TEX46: variants seen among roughly 807,000 people sequenced by gnomAD.
TEX46 encodes testis-expressed protein 46.
TEX46 carries 6 observed loss-of-function variants against 5.3 expected under a neutral mutation model. The ratio of observed to expected loss-of-function variants is 1.13; its 90% CI spans 0.62 to 2.23. TEX46 has a LOEUF of 2.23. Among genes scored for constraint, TEX46 ranks in the 30% most tolerant of loss-of-function variants. TEX46 has a pLI of 0.00. For synonymous variants in TEX46, 41 were observed against 54.6 expected (o/e 0.75, Z 1.10); for missense variants, 131 against 150.9 (o/e 0.87, Z 0.69).
intron 1 of TEX46, among the ~76,000 whole-genome samples, chr1:23,015,436 CAAAAAAAAAAAAAAA>C (rs61258225): frequency 7.9e-4 from 22 of 27,766 alleles, no homozygotes; most frequent in African/African-American, 2.6e-3. Context: ...GACTCCTTCT[CAAAAAAAAAAAAAAA>C]AAAAAAAAAA....
In TEX46 at chr1:23,011,050, C is replaced by G. The variant is rs1641346402; in HGVS notation, c.217G>C (p.Glu73Gln). 6.5e-7 allele frequency: 1 copy of G among 1,536,020 alleles called. No individual in the cohort carries two copies. The highest frequency in any genetic ancestry group is 8.7e-7 in the Non-Finnish European group (1 of 1,146,836). Reference protein sequence around the residue: ...LFSEMKMKVLENQMFIIWNKM... With the variant: ...LFSEMKMKVLQNQMFIIWNKM... Reference sequence around the variant, plus strand: ...TTCCATATGATGAACATCTGATTTTCTAGGACCTTCATCTTCATTTCACTG... The same window carrying G: ...TTCCATATGATGAACATCTGATTTTGTAGGACCTTCATCTTCATTTCACTG... The change falls in exon 3 of 3, where the codon GAA becomes CAA. Residue 73 changes from glutamate (E) to glutamine (Q), a missense_variant. Glu to Gln is a conservative substitution (Grantham distance 29). Transcript: ENST00000566855.
At position 23,011,081 on chromosome 1, in the gene TEX46, C is replaced by T; in HGVS notation, c.186G>A (p.Leu62=). The change falls in exon 3 of 3, where the codon CTG becomes CTA. Residue 62 remains leucine, a synonymous_variant. Transcript: ENST00000566855. ...CCTTCATCTTCATTTCACTGAACAA[C>T]AGCCGTTGGAGGATCTCGTCCTGGA... ...EPQQDEILQR[L]LFSEMKMKVL... 6.5e-7 allele frequency: 1 copy of T among 1,536,008 alleles called. No homozygotes were observed. The highest frequency in any genetic ancestry group is 1.2e-5 in the South Asian group (1 of 84,058).
intron 2 of TEX46, among the ~76,000 whole-genome samples, 156 bp downstream of exon 2, chr1:23,013,727 C>A (rs1169551568): frequency 6.6e-6 from 1 of 152,016 alleles, no homozygotes; most frequent in African/African-American, 2.4e-5. Flanking sequence ...TACCCAGCAC[C>A]ACCTAAGAGG....
Position 23,011,170 on chromosome 1 carries a change from C to A in TEX46, c.166-69G>T. 3.9e-6 allele frequency: 5 copies of A among 1,280,492 alleles called. No individual in the cohort carries two copies. In the South Asian group the frequency reaches 6.5e-5, roughly 17 times the overall value. 79.3% of individuals were successfully genotyped at this position (1,280,492 alleles called of 1,614,324 possible). A position where few individuals can be genotyped will look rare whatever the true frequency, so the allele number is the denominator to read the frequency against. ...TTCACGGCCTTGCTGTTCTTGGAGT[C>A]GTTTTCAGAAGTCTTTGGTTTCTCT... On this transcript the variant is annotated intron_variant, in intron 2 of 2. Coordinates refer to ENST00000566855, the MANE Select transcript of TEX46 (RefSeq NM_001242521.2).
Position 23,015,436 on chromosome 1 carries a change from C to CA in TEX46, c.2+335dup, listed in dbSNP as rs61258225. On this transcript the variant is annotated intron_variant, in intron 1 of 2. Transcript: ENST00000566855. Reference sequence around the variant, plus strand: ...GGGCGACAACAGTAAGACTCCTTCTCAAAAAAAAAAAAAAAAAAAAAAAAA... The same window carrying CA: ...GGGCGACAACAGTAAGACTCCTTCTCAAAAAAAAAAAAAAAAAAAAAAAAAA... 5.8e-3 allele frequency among the ~76,000 whole-genome samples: 161 copies of CA among 27,776 alleles called. 38 individuals carry two copies. The highest frequency in any genetic ancestry group is 0.016 in the South Asian group (5 of 322). 18.2% of individuals were successfully genotyped at this position (27,776 alleles called of 152,430 possible).
At chr1:23,014,199 A>T in intron 1 of TEX46, 154 bp from the exon 2 acceptor site, 1 of 1,299,880 alleles carries the variant, frequency 7.7e-7, no homozygotes, top group Non-Finnish European at 1.0e-6. Flanking sequence ...GCATAACAAT[A>T]ATAATAACTC....
chr1:23,015,577 G>C (rs1641409072), intron 1 of TEX46, among the ~76,000 whole-genome samples, 195 bp downstream of exon 1: 1 of 149,278 alleles, frequency 6.7e-6, no homozygotes, highest in African/African-American at 2.5e-5. Context: ...ATTCACAATA[G>C]CCAAAATGTG....
chr1:23,015,682 T>A, intron 1 of TEX46, 90 bp downstream of exon 1: 1 of 659,838 alleles, frequency 1.5e-6, no homozygotes, highest in South Asian at 1.7e-5. Context: ...AATTCTAACA[T>A]GTTACAACAT....
chr1:23,014,575 A>G (rs960108019), intron 1 of TEX46, among the ~76,000 whole-genome samples: 3 of 151,942 alleles, frequency 2.0e-5, no homozygotes, highest in African/African-American at 7.2e-5. Context: ...TATTTTTGAG[A>G]CAAGGTCTCA....
chr1:23,011,724 T>C (rs372712953), intron 2 of TEX46, among the ~76,000 whole-genome samples: 2 of 152,324 alleles, frequency 1.3e-5, no homozygotes, highest in East Asian at 1.9e-4. Context: ...CAGGCCCAGC[T>C]TGGGAGGTCA....
intron 2 of TEX46, among the ~76,000 whole-genome samples, chr1:23,011,856 A>T (rs1641354781): frequency 1.3e-5 from 2 of 152,108 alleles, no homozygotes; most frequent in Non-Finnish European, 2.9e-5. Context: ...TAGCCTAAAT[A>T]TATCTATCTC....
In TEX46 at chr1:23,013,768, T is replaced by A. The variant is rs142684289; in HGVS notation, c.165+115A>T. On this transcript the variant is annotated intron_variant, in intron 2 of 2. Coordinates refer to ENST00000566855, the MANE Select transcript of TEX46 (RefSeq NM_001242521.2). Reference sequence around the variant, plus strand: ...GTAGAGTGGTGGTTTAGACCAGTCTTGGATTCCCCAGTCTTGCCCCATTAT... The same window carrying A: ...GTAGAGTGGTGGTTTAGACCAGTCTAGGATTCCCCAGTCTTGCCCCATTAT... 707 of 957,402 alleles carry A rather than the reference T, an allele frequency of 7.4e-4. 5 individuals carry two copies. In the African/African-American group the frequency reaches 9.9e-3, roughly 13 times the overall value. 59.3% of individuals were successfully genotyped at this position (957,402 alleles called of 1,614,324 possible). A position where few individuals can be genotyped will look rare whatever the true frequency, so the allele number is the denominator to read the frequency against.
chr1:23,013,001 A>T (rs1328435973), intron 2 of TEX46, among the ~76,000 whole-genome samples: 1 of 151,028 alleles, frequency 6.6e-6, no homozygotes, highest in Non-Finnish European at 1.5e-5. Flanking sequence ...AGTAGCTGAG[A>T]CTACAGGCAC....
intron 1 of TEX46, among the ~76,000 whole-genome samples, chr1:23,014,871 C>T (rs1220743164): frequency 6.6e-6 from 1 of 151,980 alleles, no homozygotes; most frequent in Admixed American, 6.6e-5. Flanking sequence ...GAGACAGACT[C>T]TCACTCTGCT....
In TEX46 at chr1:23,013,972, C is replaced by A; in HGVS notation, c.76G>T (p.Ala26Ser). ...AGAAGGAATAGGAACCCAAACAAGG[C>A]TGGCTTATAGCTCATCAGCCAAGCT... The part of the protein sequence containing the change: ...VAAWLMSYKP[A>S]LFGFLFLLLL... Residue 26 changes from alanine to serine, a missense_variant, in exon 2 of 3, where the codon GCC becomes TCC. Physicochemically the swap from Ala to Ser is moderately conservative, Grantham distance 99 (BLOSUM62 1). Transcript: ENST00000566855. 1 of 1,536,052 alleles carries A rather than the reference C, an allele frequency of 6.5e-7. No individual in the cohort carries two copies. Among genetic ancestry groups the A allele is most frequent in the Non-Finnish European group, 8.7e-7 (1 of 1,146,854 alleles).
chr1:23,012,325 A>G (rs72657803), intron 2 of TEX46, among the ~76,000 whole-genome samples: 5,223 of 151,630 alleles, frequency 0.034, 134 homozygotes, highest in South Asian at 0.054. Flanking sequence ...CCTGGGCCAC[A>G]GAGCGAGACC....
At position 23,014,025 on chromosome 1, in the gene TEX46, G is replaced by A. The variant is rs1641386461; in HGVS notation, c.23C>T (p.Ala8Val). MSLHGIL[A>V]SAGTIGAVAA... is the part of the protein sequence containing the mutation. ...CACTGCTCCTATGGTGCCTGCGGAG[G>A]CAAGTATCCCATGGAGACTCCTAAA... Residue 8 changes from alanine to valine, a missense_variant, in exon 2 of 3, where the codon GCC (alanine) becomes GTC (valine). Physicochemically the swap from Ala to Val is moderately conservative, Grantham distance 64. Transcript: ENST00000566855. The A allele has an allele frequency of 2.6e-6, 4 of 1,536,030 alleles. No individual in the cohort carries two copies. The highest frequency in any genetic ancestry group is 1.7e-4 in the Middle Eastern group (1 of 5,990).
intron 2 of TEX46, among the ~76,000 whole-genome samples, chr1:23,013,424 C>T (rs965906058): frequency 1.3e-5 from 2 of 152,160 alleles, no homozygotes; most frequent in Non-Finnish European, 2.9e-5. Flanking sequence ...CCACCTGCCT[C>T]GGCCTCCCAA....
chr1:23,013,764 G>T, intron 2 of TEX46, 119 bp downstream of exon 2: 1 of 922,816 alleles, frequency 1.1e-6, no homozygotes, highest in Non-Finnish European at 1.6e-6. Flanking sequence ...GTTTAGACCA[G>T]TCTTGGATTC....
Sources: gnomAD v4.1 joint callset for allele counts (sites outside exome capture counted in the v4.1 genomes callset) on GRCh38, gnomAD v4.1.1 for gene constraint, MANE v1.5 for transcripts, NCBI Gene and HGNC (gene_info 2026-07-23, HGNC 2026-07-21) for gene names.